The following CMKLR2 variants were observed in gnomAD, a reference collection of about 807,000 sequenced individuals.
CMKLR2 encodes the protein chemerin-like receptor 2.
In CMKLR2, 18 loss-of-function variants were observed where a neutral mutation model predicts 23.0. That is an observed-to-expected ratio of 0.78 (90% CI 0.54 to 1.16). CMKLR2 has a LOEUF of 1.16. Among genes scored for constraint, CMKLR2 ranks in the 50% most tolerant of loss-of-function variants. The probability of loss-of-function intolerance (pLI) is 0.00; values close to 1 mark genes in which losing one functional copy is unlikely to be tolerated. For synonymous variants in CMKLR2, 158 were observed against 158.9 expected, an observed-to-expected ratio of 0.99 and a Z score of 0.05; for missense variants, 401 against 412.7, an observed-to-expected ratio of 0.97 and a Z score of 0.25.
At chr2:206,182,812 G>A (rs907979614) in intron 1 of CMKLR2, among the ~76,000 whole-genome samples, 1 of 152,056 alleles carries the variant, frequency 6.6e-6, no homozygotes, top group Non-Finnish European at 1.5e-5. Context: ...TAGAAACAAG[G>A]TTTCACCTTC....
chr2:206,202,850 C>T (rs548342029), intron 1 of CMKLR2, among the ~76,000 whole-genome samples: 26 of 152,202 alleles, frequency 1.7e-4, no homozygotes, highest in African/African-American at 5.8e-4. Flanking sequence ...CCCTCAAAGC[C>T]TGTCACCCCT....
chr2:206,180,957 G>A (rs922658086), intron 1 of CMKLR2, among the ~76,000 whole-genome samples: 2 of 151,764 alleles, frequency 1.3e-5, no homozygotes, highest in Non-Finnish European at 2.9e-5. Context: ...GTTTCACTTT[G>A]TTGGCCAGGC....
intron 1 of CMKLR2, among the ~76,000 whole-genome samples, chr2:206,209,647 CTTTTTTT>C (rs71034424): frequency 6.7e-5 from 9 of 134,852 alleles, no homozygotes; most frequent in African/African-American, 1.7e-4. Flanking sequence ...TCTTTTCTTT[CTTTTTTT>C]TTTTTTTTTT....
At chr2:206,193,115 T>C (rs528957059) in intron 1 of CMKLR2, among the ~76,000 whole-genome samples, 1 of 152,308 alleles carries the variant, frequency 6.6e-6, no homozygotes, top group South Asian at 2.1e-4. Flanking sequence ...TTCTTTTTTT[T>C]TGAAACCAAG....
intron 1 of CMKLR2, among the ~76,000 whole-genome samples, chr2:206,191,866 A>G (rs1464482917): frequency 6.1e-4 from 87 of 141,814 alleles, no homozygotes; most frequent in Non-Finnish European, 1.2e-3. Flanking sequence ...TTTGATACAG[A>G]GTCTCGCTCT....
intron 1 of CMKLR2, among the ~76,000 whole-genome samples, chr2:206,182,353 A>C (rs1392277778): frequency 6.6e-6 from 1 of 152,182 alleles, no homozygotes; most frequent in Non-Finnish European, 1.5e-5. Flanking sequence ...CCCTTCTGTC[A>C]TACTTGTCTT....
At chr2:206,209,940 G>A (rs190800240) in intron 1 of CMKLR2, among the ~76,000 whole-genome samples, 3 of 150,158 alleles carry the variant, frequency 2.0e-5, no homozygotes, top group South Asian at 2.1e-4. Context: ...GAGCCACTGC[G>A]CCCGGCCCTT....
intron 1 of CMKLR2, among the ~76,000 whole-genome samples, chr2:206,177,755 T>C (rs1392762270): frequency 6.6e-6 from 1 of 152,192 alleles, no homozygotes; most frequent in Non-Finnish European, 1.5e-5. Flanking sequence ...GAGCCTCAGT[T>C]TCACTCTGAT....
chr2:206,201,887 T>C (rs1043569151), intron 1 of CMKLR2, among the ~76,000 whole-genome samples: 1 of 152,260 alleles, frequency 6.6e-6, no homozygotes, highest in Non-Finnish European at 1.5e-5. Context: ...AAGCTATTTA[T>C]CCTGGAAAAG....
intron 1 of CMKLR2, among the ~76,000 whole-genome samples, chr2:206,208,360 A>T (rs1210546822): frequency 6.6e-6 from 1 of 151,978 alleles, no homozygotes; most frequent in Non-Finnish European, 1.5e-5. Context: ...GGGAAACATA[A>T]TGAGACCTCC....
upstream of CMKLR2, among the ~76,000 whole-genome samples, chr2:206,216,567 C>T (rs754988085): frequency 9.9e-5 from 15 of 152,130 alleles, no homozygotes; most frequent in Non-Finnish European, 1.9e-4. Flanking sequence ...CAGGTATGGG[C>T]CACCATGCCT....
In CMKLR2 at chr2:206,190,094, C is replaced by A. The variant is rs192122360; in HGVS notation, c.-28-12819G>T. 4.7e-3 allele frequency among the ~76,000 whole-genome samples: 715 copies of A among 152,188 alleles called. 6 individuals are homozygous for A. Among genetic ancestry groups the A allele is most frequent in the African/African-American group, 0.017 (691 of 41,476 alleles). ...AGTTGGGAGGTGGTAGAACAACCCT[C>A]ACACTCCAACCCCTGGCATAGCTTA... On this transcript the variant is annotated intron_variant, in intron 1 of 1. Coordinates refer to ENST00000621141, the MANE Select transcript of CMKLR2 (RefSeq NM_001389445.1).
At chr2:206,202,839 C>T (rs1008828512) in intron 1 of CMKLR2, among the ~76,000 whole-genome samples, 5 of 152,034 alleles carry the variant, frequency 3.3e-5, no homozygotes, top group African/African-American at 1.2e-4. Context: ...CTGCTGCCAG[C>T]CCCTCAAAGC....
At chr2:206,177,550 C>A (rs1688273183) in intron 1 of CMKLR2, among the ~76,000 whole-genome samples, 1 of 152,032 alleles carries the variant, frequency 6.6e-6, no homozygotes, top group East Asian at 1.9e-4. Context: ...CCATGCCCAG[C>A]TAATTTTTAA....
At chr2:206,190,970 G>A (rs780069331) in intron 1 of CMKLR2, among the ~76,000 whole-genome samples, 2 of 152,114 alleles carry the variant, frequency 1.3e-5, no homozygotes, top group Non-Finnish European at 2.9e-5. Flanking sequence ...AATCTGTATG[G>A]CTCTGTTGAT....
chr2:206,215,416 T>G (rs1689723848), upstream of CMKLR2, among the ~76,000 whole-genome samples: 1 of 152,216 alleles, frequency 6.6e-6, no homozygotes, highest in Admixed American at 6.5e-5. Flanking sequence ...AGTTTATTTT[T>G]GGCTATAGAG....
At chr2:206,205,285 A>G (rs1689269586) in intron 1 of CMKLR2, among the ~76,000 whole-genome samples, 1 of 152,222 alleles carries the variant, frequency 6.6e-6, no homozygotes, top group South Asian at 2.1e-4. Context: ...TGTTCAAATA[A>G]CAAGTTAAAA....
chr2:206,193,485 A>C (rs553493580), intron 1 of CMKLR2, among the ~76,000 whole-genome samples: 2 of 152,352 alleles, frequency 1.3e-5, no homozygotes, highest in South Asian at 4.1e-4. Flanking sequence ...ATGGCACAGG[A>C]CTTCTGTAAC....
At chr2:206,209,993 T>C (rs571360440) in intron 1 of CMKLR2, among the ~76,000 whole-genome samples, 1 of 145,958 alleles carries the variant, frequency 6.9e-6, no homozygotes, top group Non-Finnish European at 1.5e-5. Flanking sequence ...AGACAGAGTC[T>C]CACTCTGTCA....
Sources: gnomAD v4.1 joint callset for allele counts (sites outside exome capture counted in the v4.1 genomes callset) on GRCh38, gnomAD v4.1.1 for gene constraint, MANE v1.5 for transcripts, NCBI Gene and HGNC (gene_info 2026-07-23, HGNC 2026-07-21) for gene names.